AGAP3: variants seen among roughly 807,000 people sequenced by gnomAD.
The protein encoded by AGAP3 is ArfGAP with GTPase domain, ankyrin repeat and PH domain 3, also known as arf-GAP with GTPase, ANK repeat and PH domain-containing protein 3.
Under a neutral mutation model 96.9 loss-of-function variants are expected in AGAP3, and 24 were observed. The ratio of observed to expected loss-of-function variants is 0.25; its 90% CI spans 0.18 to 0.35. The LOEUF is 0.35. AGAP3 is among the 10% of genes least tolerant of loss of function. AGAP3 has a pLI of 1.00. For synonymous variants in AGAP3, 563 were observed against 536.1 expected (o/e 1.05, Z -0.69); for missense variants, 876 against 1,254.2 (o/e 0.70, Z 4.55).
rs754495461 is a variant in AGAP3 at position 151,143,438 on chromosome 7, C to T, written c.2371C>T (p.Arg791Trp). The T allele has an allele frequency of 6.8e-6, 11 of 1,614,210 alleles. No individual in the cohort carries two copies. Among genetic ancestry groups the T allele is most frequent in the South Asian group, 2.2e-5 (2 of 91,088 alleles). Residue 791 changes from arginine (R) to tryptophan (W), a missense_variant, in exon 17 of 18, where the codon CGG (arginine) becomes TGG (tryptophan). Coordinates refer to ENST00000397238, the MANE Select transcript of AGAP3 (RefSeq NM_031946.7). This position sits in a 1 kb window ranked among gnomAD's most constrained non-coding sequence, Gnocchi z 5.9. ...TGTGCCACTGGGGCAGCAGCTGCTC[C>T]GGGCCGTGGTGGAAGATGACCTGCG... ...SDVPLGQQLL[R>W]AVVEDDLRLL...
intron 1 of AGAP3, among the ~76,000 whole-genome samples, chr7:151,113,916 C>A (rs1279419590): frequency 6.6e-6 from 1 of 152,158 alleles, no homozygotes; most frequent in Non-Finnish European, 1.5e-5. Context: ...GCCAGTACCG[C>A]AGGCTACCAC....
At chr7:151,116,326 A>C in intron 1 of AGAP3, 1 of 159,224 alleles carries the variant, frequency 6.3e-6, no homozygotes, top group Non-Finnish European at 1.4e-5. Context: ...CGGCTCAGGA[A>C]TGTGGTGGGT....
intron 1 of AGAP3, among the ~76,000 whole-genome samples, chr7:151,100,005 G>A (rs1798773098): frequency 6.6e-6 from 1 of 152,176 alleles, no homozygotes; most frequent in African/African-American, 2.4e-5. Flanking sequence ...ACTGTGCTGG[G>A]AAGAGCCCGC....
intron 8 of AGAP3, chr7:151,123,220 G>GC: frequency 9.3e-7 from 1 of 1,074,140 alleles, no homozygotes; most frequent in South Asian, 2.9e-5. Flanking sequence ...CGCTTGCCTT[G>GC]CCCCCTCTTT....
At chr7:151,127,393 GT>G (rs1800223210) in intron 9 of AGAP3, among the ~76,000 whole-genome samples, 1 of 152,130 alleles carries the variant, frequency 6.6e-6, no homozygotes, top group African/African-American at 2.4e-5. Flanking sequence ...GCTTTTTCAA[GT>G]CTCCCTGCTG....
chr7:151,107,856 G>A (rs536910075), intron 1 of AGAP3, among the ~76,000 whole-genome samples: 4 of 152,296 alleles, frequency 2.6e-5, no homozygotes, highest in South Asian at 2.1e-4. Context: ...GGTGCAACAC[G>A]GCATAGAGCC....
chr7:151,097,834 C>T (rs1212920929), intron 1 of AGAP3, among the ~76,000 whole-genome samples: 1 of 152,180 alleles, frequency 6.6e-6, no homozygotes, highest in South Asian at 2.1e-4. Context: ...GGAGGAGACA[C>T]ACATCCAGAC....
chr7:151,094,684 T>C (rs905966234), intron 1 of AGAP3, among the ~76,000 whole-genome samples: 2 of 152,196 alleles, frequency 1.3e-5, no homozygotes, highest in African/African-American at 2.4e-5. Flanking sequence ...CCTCTTTTTC[T>C]TTTTTCTTTT....
Position 151,141,395 on chromosome 7 carries a change from G to A in AGAP3, c.1805-503G>A. The A allele has an allele frequency of 5.7e-6, 1 of 176,030 alleles. No individual in the cohort carries two copies. The highest frequency in any genetic ancestry group is 5.6e-5 in the Admixed American group (1 of 17,822). The allele number at this position is 176,030 out of a possible 1,614,324, so 10.9% of individuals were successfully genotyped here. A position where few individuals can be genotyped will look rare whatever the true frequency, so the allele number is the denominator to read the frequency against. On this transcript the variant is annotated intron_variant, in intron 13 of 17. Transcript: ENST00000397238. This position sits in a 1 kb window ranked among gnomAD's most constrained non-coding sequence, Gnocchi z 4.2. ...CTGCCTGTCTATGCCATGGTAGTGG[G>A]GGAGGGGCCCAGCTCCCAGGAGCCC...
At chr7:151,132,663 A>G (rs1800445471) in intron 10 of AGAP3, among the ~76,000 whole-genome samples, 1 of 152,136 alleles carries the variant, frequency 6.6e-6, no homozygotes, top group African/African-American at 2.4e-5. Context: ...AGGCCTTTCC[A>G]CCATTCCCCT....
chr7:151,105,946 C>T (rs1799039178), intron 1 of AGAP3, among the ~76,000 whole-genome samples: 1 of 151,732 alleles, frequency 6.6e-6, no homozygotes, highest in African/African-American at 2.4e-5. Flanking sequence ...GTCTGCCCCC[C>T]ACATTTAGTC....
chr7:151,112,396 CGT>C (rs71819427), intron 1 of AGAP3, among the ~76,000 whole-genome samples: 20,697 of 139,576 alleles, frequency 0.15, 1,558 homozygotes, highest in South Asian at 0.22. Flanking sequence ...TTCCCCGAGA[CGT>C]GTGTGTGTGT....
chr7:151,117,547 A>G (rs1585074645), intron 4 of AGAP3, 89 bp from the exon 5 acceptor site: 4 of 1,612,322 alleles, frequency 2.5e-6, no homozygotes, highest in Non-Finnish European at 3.4e-6. Context: ...TGGTATGTCC[A>G]GGGAGAAGGG....
At position 151,117,720 on chromosome 7, in the gene AGAP3, C is replaced by T. The variant is rs747548429; in HGVS notation, c.649C>T (p.Arg217Cys). 12 of 1,614,186 alleles carry T rather than the reference C, an allele frequency of 7.4e-6. No individual in the cohort carries two copies. Among genetic ancestry groups the T allele is most frequent in the South Asian group, 2.2e-5 (2 of 91,086 alleles). ...CCAGACGGTGTACAACTACTTCCTG[C>T]GTCTCTGCAGCTTCCGCAACGCCAG... Reference protein sequence around the residue: ...SFQTVYNYFLRLCSFRNASEV... With the variant: ...SFQTVYNYFLCLCSFRNASEV... The change falls in exon 5 of 18, where the codon CGT (arginine) becomes TGT (cysteine). Residue 217 changes from arginine (R) to cysteine (C), a missense_variant. Transcript: ENST00000397238.
chr7:151,096,386 T>C lies in AGAP3; in HGVS notation c.331+9314T>C, dbSNP rs866585743. On this transcript the variant is annotated intron_variant, in intron 1 of 17. Transcript: ENST00000397238. The surrounding 1 kb of genome is among the most constrained non-coding windows in gnomAD (Gnocchi z 4.4). Reference sequence around the variant, plus strand: ...ACGTTCCCGTGAACACCCAGGGTCATCTTTGATGTTTTGCCTGTTGTTTTT... The same window carrying C: ...ACGTTCCCGTGAACACCCAGGGTCACCTTTGATGTTTTGCCTGTTGTTTTT... 5.9e-5 allele frequency among the ~76,000 whole-genome samples: 9 copies of C among 151,960 alleles called. No individual in the cohort carries two copies. Among genetic ancestry groups the C allele is most frequent in the South Asian group, 4.1e-4 (2 of 4,828 alleles).
chr7:151,142,280 A>G lies in AGAP3; in HGVS notation c.2050+27A>G, dbSNP rs1584794415. ...TGAGTGCAAGGCTGGTGGGGCTGGG[A>G]GCTGGGGATGGCCCAGGGAAAGCTT... is the stretch of plus-strand genomic sequence containing the variant. On this transcript the variant is annotated intron_variant, in intron 15 of 17. Coordinates refer to ENST00000397238, the MANE Select transcript of AGAP3 (RefSeq NM_031946.7). The surrounding 1 kb of genome is among the most constrained non-coding windows in gnomAD (Gnocchi z 7.5). The G allele has an allele frequency of 3.7e-6, 6 of 1,609,834 alleles. No individual in the cohort carries two copies. The highest frequency in any genetic ancestry group is 5.1e-6 in the Non-Finnish European group (6 of 1,178,250).
chr7:151,091,172 C>T (rs1563416174), intron 1 of AGAP3, among the ~76,000 whole-genome samples: 2 of 152,152 alleles, frequency 1.3e-5, no homozygotes, highest in Admixed American at 6.5e-5. Context: ...TGCATTCCGC[C>T]GTGGGCCCTG....
chr7:151,118,165 G>A lies in AGAP3; in HGVS notation c.707-45G>A. 6.4e-7 allele frequency: 1 copy of A among 1,572,622 alleles called. No homozygotes were observed. Among genetic ancestry groups the A allele is most frequent in the Non-Finnish European group, 8.7e-7 (1 of 1,153,896 alleles). ...AAATGCCCCCCACCACACTACCCCA[G>A]CTTCTCCGAAAGCTGAATGACTCCC... is the stretch of plus-strand genomic sequence containing the variant. On this transcript the variant is annotated intron_variant, in intron 5 of 17. Transcript: ENST00000397238. This position sits in a 1 kb window ranked among gnomAD's most constrained non-coding sequence, Gnocchi z 6.1.
chr7:151,141,635 C>T lies in AGAP3; in HGVS notation c.1805-263C>T. The T allele has an allele frequency of 4.1e-6, 2 of 492,902 alleles. No homozygotes were observed. Among genetic ancestry groups the T allele is most frequent in the Non-Finnish European group, 7.4e-6 (2 of 270,826 alleles). 30.5% of individuals were successfully genotyped at this position (492,902 alleles called of 1,614,324 possible). On this transcript the variant is annotated intron_variant, in intron 13 of 17. Coordinates refer to ENST00000397238, the MANE Select transcript of AGAP3 (RefSeq NM_031946.7). This position sits in a 1 kb window ranked among gnomAD's most constrained non-coding sequence, Gnocchi z 4.2. Reference sequence around the variant, plus strand: ...CCCATTCCCGGCAGTGCCAGGGGTGCCAAGATCTTGCATCCCCCATCTGTT... The same window carrying T: ...CCCATTCCCGGCAGTGCCAGGGGTGTCAAGATCTTGCATCCCCCATCTGTT...
Sources: allele counts gnomAD v4.1 joint callset (sites outside exome capture counted in the v4.1 genomes callset), GRCh38; gene constraint gnomAD v4.1.1; non-coding constraint Gnocchi (gnomAD v3.1); transcripts MANE v1.5; gene names NCBI Gene and HGNC (gene_info 2026-07-23, HGNC 2026-07-21).